Variants in LYPLAL1 observed in about 807,000 individuals in gnomAD.
LYPLAL1 encodes lysophospholipase-like protein 1.
In LYPLAL1, 23 loss-of-function variants were observed where a neutral mutation model predicts 19.7. That is an observed-to-expected ratio of 1.17 (90% CI 0.84 to 1.65). The LOEUF (loss-of-function observed/expected upper bound fraction) is 1.65. Ranked by LOEUF, LYPLAL1 falls within the 40% of genes most tolerant of loss-of-function variation. LYPLAL1 has a pLI of 0.00. For synonymous variants in LYPLAL1, 119 were observed against 96.3 expected (o/e 1.24, Z -1.38); for missense variants, 355 against 279.4 (o/e 1.27, Z -1.93).
At chr1:219,412,728 A>G in the LYPLAL1 span, among the ~76,000 whole-genome samples, 1 of 152,240 alleles carries the variant, frequency 6.6e-6, no homozygotes, top group Non-Finnish European at 1.5e-5. Context: ...GTATGGTGAT[A>G]TGAAATGAGA....
At chr1:219,295,962 A>G in the LYPLAL1 span, among the ~76,000 whole-genome samples, 1 of 152,172 alleles carries the variant, frequency 6.6e-6, no homozygotes, top group Non-Finnish European at 1.5e-5. Context: ...GCAATATATT[A>G]TGTAGCCTTT....
At chr1:219,217,972 G>T in the LYPLAL1 span, among the ~76,000 whole-genome samples, 1 of 151,832 alleles carries the variant, frequency 6.6e-6, no homozygotes, top group South Asian at 2.1e-4. Context: ...GTGAGTAAAG[G>T]GGGACTTTCA....
At chr1:219,318,905 G>A in the LYPLAL1 span, among the ~76,000 whole-genome samples, 7 of 152,296 alleles carry the variant, frequency 4.6e-5, no homozygotes, top group African/African-American at 1.7e-4. Flanking sequence ...CTCCACTGCC[G>A]GTAAGAAACC....
the LYPLAL1 span, chr1:219,271,609 C>T: frequency 6.6e-6 from 1 of 152,140 alleles, no homozygotes; most frequent in African/African-American, 2.4e-5. Context: ...GGCTGAAATG[C>T]TAATCTCTTT....
At chr1:219,420,213 T>C in the LYPLAL1 span, among the ~76,000 whole-genome samples, 3 of 152,208 alleles carry the variant, frequency 2.0e-5, no homozygotes, top group Non-Finnish European at 4.4e-5. Context: ...TAAATATTAA[T>C]TTGTTACCCC....
At chr1:219,218,017 A>G in the LYPLAL1 span, among the ~76,000 whole-genome samples, 1 of 151,996 alleles carries the variant, frequency 6.6e-6, no homozygotes, top group Non-Finnish European at 1.5e-5. Context: ...TTGAAGTTTT[A>G]TAACAGGCTT....
At chr1:219,305,776 G>A in the LYPLAL1 span, among the ~76,000 whole-genome samples, 3 of 152,194 alleles carry the variant, frequency 2.0e-5, no homozygotes, top group Admixed American at 2.0e-4. Flanking sequence ...CCTCTGCTGA[G>A]AGAAATCTAA....
At chr1:219,350,517 G>A in the LYPLAL1 span, among the ~76,000 whole-genome samples, 3 of 152,178 alleles carry the variant, frequency 2.0e-5, no homozygotes, top group African/African-American at 7.2e-5. Flanking sequence ...TCTGCACTTT[G>A]GTAGAGAATA....
At chr1:219,293,197 A>G in the LYPLAL1 span, among the ~76,000 whole-genome samples, 2 of 152,154 alleles carry the variant, frequency 1.3e-5, no homozygotes, top group Admixed American at 6.5e-5. Flanking sequence ...TGAGCCAGAA[A>G]TGAGAACAGC....
At chr1:219,302,172 T>C in the LYPLAL1 span, among the ~76,000 whole-genome samples, 1 of 152,192 alleles carries the variant, frequency 6.6e-6, no homozygotes, top group Non-Finnish European at 1.5e-5. Flanking sequence ...TCTATTATAC[T>C]TATTTCTTTC....
intron 3 of LYPLAL1, among the ~76,000 whole-genome samples, chr1:219,194,448 G>T (rs982188508): frequency 6.6e-6 from 1 of 151,946 alleles, no homozygotes; most frequent in Non-Finnish European, 1.5e-5. Flanking sequence ...CATTATTATA[G>T]ATGTTCACGG....
chr1:219,310,669 A>G, the LYPLAL1 span, among the ~76,000 whole-genome samples: 1 of 152,222 alleles, frequency 6.6e-6, no homozygotes, highest in African/African-American at 2.4e-5. Context: ...AAATAATGGC[A>G]GTCTTGAGAA....
the LYPLAL1 span, among the ~76,000 whole-genome samples, chr1:219,265,002 C>G: frequency 6.6e-6 from 1 of 152,128 alleles, no homozygotes; most frequent in Admixed American, 6.5e-5. Context: ...AACAATATTT[C>G]TTCTCAAGTA....
chr1:219,293,903 C>G, the LYPLAL1 span, among the ~76,000 whole-genome samples: 3 of 152,154 alleles, frequency 2.0e-5, no homozygotes, highest in Non-Finnish European at 4.4e-5. Context: ...ACAGGACTTA[C>G]GTTTTCTCTG....
the LYPLAL1 span, among the ~76,000 whole-genome samples, chr1:219,235,777 T>A: frequency 1.3e-5 from 2 of 152,184 alleles, no homozygotes; most frequent in African/African-American, 4.8e-5. Context: ...TATACATGAA[T>A]TTCCAGCATT....
chr1:219,186,168 T>A (rs1291568041), intron 2 of LYPLAL1, among the ~76,000 whole-genome samples: 1 of 151,928 alleles, frequency 6.6e-6, no homozygotes, highest in South Asian at 2.1e-4. Flanking sequence ...TTCTTATTAC[T>A]GTTGATATCT....
At chr1:219,418,891 G>A in the LYPLAL1 span, among the ~76,000 whole-genome samples, 1 of 152,268 alleles carries the variant, frequency 6.6e-6, no homozygotes, top group South Asian at 2.1e-4. Flanking sequence ...CATATAGTTG[G>A]AATCATACAG....
the LYPLAL1 span, among the ~76,000 whole-genome samples, chr1:219,420,316 C>T: frequency 6.6e-6 from 1 of 152,234 alleles, no homozygotes; most frequent in Middle Eastern, 3.2e-3. Context: ...TGAGGGGATA[C>T]TGCTGTGTGA....
intron 3 of LYPLAL1, among the ~76,000 whole-genome samples, chr1:219,198,296 CTAT>C (rs1214101951): frequency 6.6e-6 from 1 of 151,666 alleles, no homozygotes; most frequent in Non-Finnish European, 1.5e-5. Flanking sequence ...AGAAAAAAAA[CTAT>C]TATTAAACAT....
Sources: allele counts gnomAD v4.1 joint callset (sites outside exome capture counted in the v4.1 genomes callset), GRCh38; gene constraint gnomAD v4.1.1; transcripts MANE v1.5; gene names NCBI Gene and HGNC (gene_info 2026-07-23, HGNC 2026-07-21).